Variants in JPH3 observed in about 807,000 individuals in gnomAD.
The protein encoded by JPH3 is junctophilin 3.
A neutral mutation model predicts 59.6 loss-of-function variants in JPH3; 11 were observed. The ratio of observed to expected loss-of-function variants is 0.18; its 90% CI spans 0.12 to 0.31. The LOEUF is 0.31. JPH3 is among the 10% of genes least tolerant of loss of function. The probability of loss-of-function intolerance (pLI) is 1.00; values close to 1 mark genes in which losing one functional copy is unlikely to be tolerated. For synonymous variants in JPH3, 673 were observed against 483.6 expected (o/e 1.39, Z -5.14); for missense variants, 1,202 against 1,105.7 (o/e 1.09, Z -1.24).
intron 1 of JPH3, among the ~76,000 whole-genome samples, chr16:87,629,752 C>G (rs1042883044): frequency 8.5e-5 from 13 of 152,154 alleles, no homozygotes; most frequent in Non-Finnish European, 1.5e-5. Flanking sequence ...CTGAGATACT[C>G]TAATGGCGAG....
At chr16:87,677,761 G>T (rs1197648872) in intron 2 of JPH3, among the ~76,000 whole-genome samples, 1 of 152,214 alleles carries the variant, frequency 6.6e-6, no homozygotes, top group Non-Finnish European at 1.5e-5. Context: ...TCATTCATTT[G>T]TTCAGCTGAA....
intron 2 of JPH3, among the ~76,000 whole-genome samples, chr16:87,652,671 A>C (rs1746267137): frequency 6.6e-6 from 1 of 152,224 alleles, no homozygotes; most frequent in Non-Finnish European, 1.5e-5. Context: ...GAGGCCAGGC[A>C]GGTGCGGAGC....
rs1220925118 is a variant in JPH3, at chr16:87,602,534, ACGCCGCCGCCGCCACCGC to A, written c.-599_-582del. On this transcript the variant is annotated 5_prime_UTR_variant, in exon 1 of 5. Coordinates refer to ENST00000284262, the MANE Select transcript of JPH3 (RefSeq NM_020655.4). ...AGCGCGCGAGCCGGGCCCGGAGCGCACGCCGCCGCCGCCACCGCCGCCGCCGCCGCCCGAGCCGCCGCA... is the reference window on the plus strand; with the variant it reads ...AGCGCGCGAGCCGGGCCCGGAGCGCACGCCGCCGCCGCCCGAGCCGCCGCA... 2.3e-5 allele frequency among the ~76,000 whole-genome samples: 3 copies of A among 132,194 alleles called. No individual in the cohort carries two copies. Among genetic ancestry groups the A allele is most frequent in the Admixed American group, 7.3e-5 (1 of 13,724 alleles). The allele number at this position is 132,194 out of a possible 152,430, so 86.7% of individuals were successfully genotyped here. A position where few individuals can be genotyped will look rare whatever the true frequency, so the allele number is the denominator to read the frequency against.
intron 2 of JPH3, among the ~76,000 whole-genome samples, chr16:87,651,305 G>A (rs187243533): frequency 2.2e-4 from 33 of 152,296 alleles, no homozygotes; most frequent in African/African-American, 7.0e-4. Context: ...TGTTGTTTGC[G>A]TGCCTGCTAA....
At chr16:87,645,097 C>T (rs1424254930) in intron 2 of JPH3, 62 bp downstream of exon 2, 1 of 1,502,284 alleles carries the variant, frequency 6.7e-7, no homozygotes, top group East Asian at 2.3e-5. Context: ...TGAGCCCAGT[C>T]TGTTCAGTCC....
At chr16:87,649,169 T>G (rs748554) in intron 2 of JPH3, among the ~76,000 whole-genome samples, 84,611 of 152,134 alleles carry the variant, frequency 0.56, 23,914 homozygotes, top group East Asian at 0.68. Flanking sequence ...GCTGAGGTCA[T>G]GTGAGAAGGG....
chr16:87,631,162 T>G (rs1360513823), intron 1 of JPH3, among the ~76,000 whole-genome samples: 1 of 152,210 alleles, frequency 6.6e-6, no homozygotes, highest in Non-Finnish European at 1.5e-5. Flanking sequence ...GTTTGTTTAT[T>G]GATTGATTGC....
At chr16:87,656,077 C>G (rs180818411) in intron 2 of JPH3, among the ~76,000 whole-genome samples, 103 of 152,324 alleles carry the variant, frequency 6.8e-4, no homozygotes, top group African/African-American at 2.5e-3. Flanking sequence ...GTTAACCGAT[C>G]GGGGTGCATG....
In JPH3 at chr16:87,684,209, C is replaced by T. The variant is rs781677956; in HGVS notation, c.1228C>T (p.Arg410Trp). 11 of 1,613,864 alleles carry T rather than the reference C, an allele frequency of 6.8e-6. No individual in the cohort carries two copies. The highest frequency in any genetic ancestry group is 2.2e-5 in the East Asian group (1 of 44,890). ...AGCTCAGAAAGCCCAGGAGGAGGCG[C>T]GGATCGCCAGGATCACTGCCAAAGA... The part of the protein sequence containing the change: ...TAAQKAQEEA[R>W]IARITAKEFS... The change falls in exon 3 of 5, where the codon CGG (arginine) becomes TGG (tryptophan). Residue 410 changes from arginine (R) to tryptophan (W), a missense_variant. Arg to Trp is a moderately radical substitution (Grantham distance 101). Coordinates refer to ENST00000284262, the MANE Select transcript of JPH3 (RefSeq NM_020655.4).
At chr16:87,682,813 G>T (rs1324152949) in intron 2 of JPH3, among the ~76,000 whole-genome samples, 1 of 152,244 alleles carries the variant, frequency 6.6e-6, no homozygotes, top group Admixed American at 6.5e-5. Context: ...TGTTGGGGAA[G>T]TGGTGCCCAT....
intron 4 of JPH3, chr16:87,696,058 G>A: frequency 2.2e-6 from 1 of 456,336 alleles, no homozygotes; most frequent in Non-Finnish European, 4.4e-6. Flanking sequence ...AGGAAGGTGT[G>A]GTGAGGGGGG....
chr16:87,626,031 G>C (rs2031362701), intron 1 of JPH3, among the ~76,000 whole-genome samples: 2 of 152,188 alleles, frequency 1.3e-5, no homozygotes, highest in South Asian at 4.1e-4. Flanking sequence ...GGATTCCTTA[G>C]CTCAGGTTGT....
At chr16:87,692,488 C>G (rs1597297489) in intron 4 of JPH3, among the ~76,000 whole-genome samples, 5 of 152,334 alleles carry the variant, frequency 3.3e-5, no homozygotes, top group Admixed American at 3.3e-4. Context: ...GGGGTGCTGT[C>G]TTCTGGCCAT....
rs866859639 is a variant in JPH3 at position 87,686,083 on chromosome 16, G to A, written c.1285+1817G>A. Among the ~76,000 whole-genome samples the A allele has an allele frequency of 2.3e-4, 35 of 152,268 alleles. No homozygotes were observed. In the Middle Eastern group the frequency reaches 0.01, roughly 44 times the overall value. ...TCCGTGGCTGGAGGGTGGCTGGAGC[G>A]GAGACCCTGGAAGGAAGCAGCACTC... On this transcript the variant is annotated intron_variant, in intron 3 of 4. Transcript: ENST00000284262.
At chr16:87,627,294 G>A (rs898928664) in intron 1 of JPH3, among the ~76,000 whole-genome samples, 2 of 152,276 alleles carry the variant, frequency 1.3e-5, no homozygotes, top group African/African-American at 4.8e-5. Context: ...ATCTGCTGCA[G>A]AGCCTGCATT....
chr16:87,634,792 C>T (rs889139905), intron 1 of JPH3, among the ~76,000 whole-genome samples: 1 of 152,230 alleles, frequency 6.6e-6, no homozygotes, highest in Non-Finnish European at 1.5e-5. Flanking sequence ...GGGGTTGGGC[C>T]TCAGCCCCGA....
At chr16:87,681,931 T>G (rs923797501) in intron 2 of JPH3, among the ~76,000 whole-genome samples, 13 of 152,120 alleles carry the variant, frequency 8.5e-5, no homozygotes, top group Non-Finnish European at 1.8e-4. Context: ...CATCTTTAGT[T>G]TTGGGGCATC....
intron 1 of JPH3, among the ~76,000 whole-genome samples, chr16:87,628,398 C>T (rs2031453671): frequency 6.6e-6 from 1 of 152,254 alleles, no homozygotes. Flanking sequence ...TCCCTGGCGT[C>T]TGCCCTCCTG....
intron 1 of JPH3, among the ~76,000 whole-genome samples, chr16:87,640,934 C>T (rs1240712421): frequency 6.6e-6 from 1 of 152,190 alleles, no homozygotes; most frequent in Non-Finnish European, 1.5e-5. Context: ...GCGGGTCTGG[C>T]CTTGGTAAAG....
Sources: allele counts gnomAD v4.1 joint callset (sites outside exome capture counted in the v4.1 genomes callset), GRCh38; gene constraint gnomAD v4.1.1; transcripts MANE v1.5; gene names NCBI Gene and HGNC (gene_info 2026-07-23, HGNC 2026-07-21).